CAMK1D: variants seen among roughly 807,000 people sequenced by gnomAD.
CAMK1D encodes the protein calcium/calmodulin-dependent protein kinase type 1D.
CAMK1D carries 9 observed loss-of-function variants against 47.7 expected under a neutral mutation model. The ratio of observed to expected loss-of-function variants is 0.19; its 90% CI spans 0.11 to 0.33. The LOEUF (loss-of-function observed/expected upper bound fraction) is 0.33, where lower values mean the gene tolerates loss of function less well. Ranked by LOEUF, CAMK1D falls within the 10% of genes least tolerant of loss-of-function variation. CAMK1D has a pLI of 1.00. For synonymous variants in CAMK1D, 184 were observed against 184.9 expected (o/e 0.99, Z 0.04); for missense variants, 291 against 488.7 (o/e 0.60, Z 3.81).
chr10:12,703,226 A>G (rs1296883631), intron 3 of CAMK1D, among the ~76,000 whole-genome samples: 1 of 152,202 alleles, frequency 6.6e-6, no homozygotes, highest in Non-Finnish European at 1.5e-5. Flanking sequence ...GCTTTGGTCA[A>G]TACCATAACC....
intron 3 of CAMK1D, among the ~76,000 whole-genome samples, chr10:12,688,859 T>G (rs965818571): frequency 6.6e-6 from 1 of 152,148 alleles, no homozygotes; most frequent in African/African-American, 2.4e-5. Flanking sequence ...CATTTTTGTA[T>G]TTTAGTAGAG....
At chr10:12,798,178 T>A (rs568495647) in intron 6 of CAMK1D, among the ~76,000 whole-genome samples, 1 of 152,320 alleles carries the variant, frequency 6.6e-6, no homozygotes, top group African/African-American at 2.4e-5. Flanking sequence ...ACATTTTACT[T>A]CCTGTGCTCT....
chr10:12,750,739 C>T (rs1835905221), intron 3 of CAMK1D, among the ~76,000 whole-genome samples: 1 of 151,522 alleles, frequency 6.6e-6, no homozygotes, highest in East Asian at 1.9e-4. Context: ...AGGATTGTCT[C>T]AGCGGCCAGT....
chr10:12,500,692 G>T (rs762932016), intron 1 of CAMK1D, among the ~76,000 whole-genome samples: 1 of 152,236 alleles, frequency 6.6e-6, no homozygotes, highest in Non-Finnish European at 1.5e-5. Flanking sequence ...TCCAGCTAAA[G>T]AGGCTTGGGC....
chr10:12,552,109 C>T (rs998935048), intron 1 of CAMK1D, among the ~76,000 whole-genome samples: 2 of 152,160 alleles, frequency 1.3e-5, no homozygotes, highest in African/African-American at 4.8e-5. Flanking sequence ...GAGTTCTGCA[C>T]GCAGGCCTTG....
At chr10:12,520,526 T>G (rs1835374319) in intron 1 of CAMK1D, among the ~76,000 whole-genome samples, 1 of 51,776 alleles carries the variant, frequency 1.9e-5, no homozygotes, top group Non-Finnish European at 3.8e-5. Context: ...CCAGACGGGG[T>G]GGCGGCCGGG....
chr10:12,486,419 A>G (rs1271902016), intron 1 of CAMK1D, among the ~76,000 whole-genome samples: 1 of 152,212 alleles, frequency 6.6e-6, no homozygotes, highest in East Asian at 1.9e-4. Flanking sequence ...CGGTCTCCCA[A>G]AGTGCTGGGA....
chr10:12,738,400 G>A (rs1835274245), intron 3 of CAMK1D, among the ~76,000 whole-genome samples: 2 of 152,174 alleles, frequency 1.3e-5, no homozygotes, highest in Non-Finnish European at 2.9e-5. Flanking sequence ...GCTCTTTCCT[G>A]TCGTCGTTTG....
At chr10:12,580,397 CA>C (rs57770519) in intron 2 of CAMK1D, among the ~76,000 whole-genome samples, 17,916 of 144,974 alleles carry the variant, frequency 0.12, 2,018 homozygotes, top group African/African-American at 0.3. Flanking sequence ...TGCTGTTTCT[CA>C]CCCCTTGTCT....
At chr10:12,494,610 G>A (rs1834481134) in intron 1 of CAMK1D, among the ~76,000 whole-genome samples, 1 of 70,924 alleles carries the variant, frequency 1.4e-5, no homozygotes, top group Non-Finnish European at 3.0e-5. Context: ...TGTTGCCCAG[G>A]CTGGAGTGCA....
intron 2 of CAMK1D, among the ~76,000 whole-genome samples, chr10:12,660,680 A>G (rs1299705054): frequency 6.6e-6 from 1 of 152,196 alleles, no homozygotes. Flanking sequence ...GTAGGTTGCC[A>G]TATAAACCAT....
At chr10:12,610,078 G>C (rs1838576127) in intron 2 of CAMK1D, among the ~76,000 whole-genome samples, 1 of 152,170 alleles carries the variant, frequency 6.6e-6, no homozygotes, top group Non-Finnish European at 1.5e-5. Flanking sequence ...AAGAGGTCCT[G>C]ATCTGTAGCT....
intron 3 of CAMK1D, among the ~76,000 whole-genome samples, chr10:12,702,849 G>C (rs916270626): frequency 6.6e-6 from 1 of 152,208 alleles, no homozygotes; most frequent in Non-Finnish European, 1.5e-5. Flanking sequence ...TCCACAGTGT[G>C]CTTCCTAGGG....
rs143839389 is a variant in CAMK1D at position 12,705,781 on chromosome 10, G to C, written c.299+38971G>C. On this transcript the variant is annotated intron_variant, in intron 3 of 10. Coordinates refer to ENST00000619168, the MANE Select transcript of CAMK1D (RefSeq NM_153498.4). ...ATCATTGAAGTATGATGGATGGTTC[G>C]TGCTAGTCTAAGAGGAGCAATATCT... Among the ~76,000 whole-genome samples, 366 of 152,328 alleles carry C rather than the reference G, an allele frequency of 2.4e-3. 3 individuals are homozygous for C. The highest frequency in any genetic ancestry group is 8.1e-3 in the African/African-American group (336 of 41,570).
chr10:12,616,603 C>T lies in CAMK1D; in HGVS notation c.225-50133C>T, dbSNP rs112738293. On this transcript the variant is annotated intron_variant, in intron 2 of 10. Coordinates refer to ENST00000619168, the MANE Select transcript of CAMK1D (RefSeq NM_153498.4). The stretch of plus-strand genomic sequence containing the variant: ...TGTGATCTCGGCTCACTGCAAGCTC[C>T]GCCTCCCGGGTTCACGCCATTCTCC... Among the ~76,000 whole-genome samples the T allele has an allele frequency of 7.8e-3, 1,188 of 151,658 alleles. 13 individuals are homozygous for T. Among genetic ancestry groups the T allele is most frequent in the African/African-American group, 0.027 (1,109 of 41,320 alleles).
intron 6 of CAMK1D, among the ~76,000 whole-genome samples, chr10:12,806,344 C>A (rs889286113): frequency 6.6e-6 from 1 of 152,212 alleles, no homozygotes; most frequent in South Asian, 2.1e-4. Flanking sequence ...TGGTGACAGC[C>A]AGAGGAGTCC....
intron 1 of CAMK1D, among the ~76,000 whole-genome samples, chr10:12,418,014 C>A (rs911581089): frequency 5.3e-5 from 8 of 152,178 alleles, no homozygotes; most frequent in South Asian, 2.1e-4. Context: ...GTTGGCCAGG[C>A]TGGTCTCGAA....
intron 2 of CAMK1D, among the ~76,000 whole-genome samples, chr10:12,652,205 T>G (rs751303967): frequency 1.9e-4 from 29 of 152,216 alleles, no homozygotes; most frequent in Admixed American, 5.2e-4. Context: ...ACTGGTTCCC[T>G]CCACTCCCTT....
At chr10:12,731,161 T>C (rs1385139318) in intron 3 of CAMK1D, among the ~76,000 whole-genome samples, 1 of 151,962 alleles carries the variant, frequency 6.6e-6, no homozygotes, top group Non-Finnish European at 1.5e-5. Context: ...TCAAAGAAAG[T>C]GGAGAGAATT....
Sources: gnomAD v4.1 joint callset for allele counts (sites outside exome capture counted in the v4.1 genomes callset) on GRCh38, gnomAD v4.1.1 for gene constraint, MANE v1.5 for transcripts, NCBI Gene and HGNC (gene_info 2026-07-23, HGNC 2026-07-21) for gene names.